Variants in CNBD1 observed in about 807,000 individuals in gnomAD.
CNBD1 encodes cyclic nucleotide binding domain containing 1.
Under a neutral mutation model 54.4 loss-of-function variants are expected in CNBD1, and 71 were observed. That is an observed-to-expected ratio of 1.30 (90% CI 1.08 to 1.59). The LOEUF (loss-of-function observed/expected upper bound fraction) is 1.59. Ranked by LOEUF, CNBD1 falls within the 40% of genes most tolerant of loss-of-function variation. The pLI, the probability that CNBD1 is intolerant of heterozygous loss-of-function variation, is 0.00. For missense variants in CNBD1, 659 were observed against 518.0 expected (o/e 1.27, Z -2.64); for synonymous variants, 182 against 170.7 (o/e 1.07, Z -0.51).
At chr8:87,019,873 C>T (rs964715422) in intron 4 of CNBD1, among the ~76,000 whole-genome samples, 1 of 151,838 alleles carries the variant, frequency 6.6e-6, no homozygotes, top group Admixed American at 6.6e-5. Context: ...AGTGAGACTC[C>T]ATCTCAAAAA....
chr8:87,237,166 A>G (rs1385252778), intron 6 of CNBD1, 54 bp downstream of exon 6: 29 of 1,134,800 alleles, frequency 2.6e-5, no homozygotes, highest in Admixed American at 2.3e-5. Context: ...GGGCTTTTGT[A>G]AAACTTTATC....
At chr8:87,362,215 T>C (rs551703940) in intron 10 of CNBD1, among the ~76,000 whole-genome samples, 31 of 152,212 alleles carry the variant, frequency 2.0e-4, no homozygotes, top group African/African-American at 6.0e-4. Context: ...GAAGACCATA[T>C]TTTGGTTTTG....
chr8:87,057,333 G>A (rs548649897), intron 4 of CNBD1, among the ~76,000 whole-genome samples: 1 of 152,080 alleles, frequency 6.6e-6, no homozygotes, highest in Non-Finnish European at 1.5e-5. Context: ...GGTGGGAAAG[G>A]CCCCTTACTT....
At chr8:87,279,449 G>T (rs1808548373) in intron 6 of CNBD1, among the ~76,000 whole-genome samples, 1 of 151,202 alleles carries the variant, frequency 6.6e-6, no homozygotes, top group Non-Finnish European at 1.5e-5. Flanking sequence ...CATTAAAAAA[G>T]ATTGTCATAT....
At chr8:87,376,568 G>A (rs1810944063) in intron 10 of CNBD1, among the ~76,000 whole-genome samples, 1 of 151,830 alleles carries the variant, frequency 6.6e-6, no homozygotes, top group Non-Finnish European at 1.5e-5. Flanking sequence ...AAACCACATA[G>A]CAACATGCTT....
chr8:87,287,715 GA>G (rs1345048492), intron 8 of CNBD1, among the ~76,000 whole-genome samples: 5 of 151,914 alleles, frequency 3.3e-5, no homozygotes, highest in Non-Finnish European at 7.4e-5. Flanking sequence ...TTCTTTTACT[GA>G]AAAAAAGTAA....
intron 2 of CNBD1, among the ~76,000 whole-genome samples, chr8:87,422,175 G>C (rs1807951320): frequency 6.9e-6 from 1 of 145,970 alleles, no homozygotes; most frequent in Admixed American, 6.8e-5. Context: ...CTGGATATTA[G>C]CCCTTTGTCA....
chr8:87,153,664 A>C (rs930387527), intron 4 of CNBD1, among the ~76,000 whole-genome samples: 10 of 152,230 alleles, frequency 6.6e-5, no homozygotes, highest in Non-Finnish European at 1.3e-4. Context: ...TTATCCATTC[A>C]ATGGCTACTT....
chr8:86,956,412 T>G (rs1807770741), intron 4 of CNBD1, among the ~76,000 whole-genome samples: 1 of 152,194 alleles, frequency 6.6e-6, no homozygotes, highest in African/African-American at 2.4e-5. Flanking sequence ...ATCTATAAAT[T>G]ACCTTGGGCA....
chr8:87,010,675 G>T (rs1392325368), intron 4 of CNBD1, among the ~76,000 whole-genome samples: 2 of 152,084 alleles, frequency 1.3e-5, no homozygotes, highest in Non-Finnish European at 2.9e-5. Flanking sequence ...AACCTGGGAG[G>T]CAGAGGTTAC....
intron 2 of CNBD1, among the ~76,000 whole-genome samples, chr8:87,391,377 A>G (rs113512181): frequency 0.019 from 2,876 of 152,226 alleles, 92 homozygotes; most frequent in African/African-American, 0.062. Flanking sequence ...TAAAATTCGT[A>G]TGGAAACACA....
At chr8:87,111,262 C>T (rs1811656036) in intron 4 of CNBD1, among the ~76,000 whole-genome samples, 1 of 152,192 alleles carries the variant, frequency 6.6e-6, no homozygotes, top group Admixed American at 6.5e-5. Flanking sequence ...TCTGTACATT[C>T]AGGGACTGGG....
chr8:87,057,966 G>A (rs1810458531), intron 4 of CNBD1, among the ~76,000 whole-genome samples: 1 of 152,012 alleles, frequency 6.6e-6, no homozygotes, highest in Non-Finnish European at 1.5e-5. Flanking sequence ...TGTCATTTAA[G>A]ACAAAGCAAG....
At chr8:87,327,883 C>A (rs112334682) in intron 8 of CNBD1, among the ~76,000 whole-genome samples, 1 of 151,966 alleles carries the variant, frequency 6.6e-6, no homozygotes, top group African/African-American at 2.4e-5. Context: ...ATGTTACTAT[C>A]TTTAATCCAT....
At chr8:87,402,372 A>G (rs112570509) in intron 2 of CNBD1, among the ~76,000 whole-genome samples, 2,282 of 152,132 alleles carry the variant, frequency 0.015, 59 homozygotes, top group African/African-American at 0.049. Flanking sequence ...CACTCTCACA[A>G]AAGAGCAGTA....
At chr8:86,972,132 A>T (rs1180519053) in intron 4 of CNBD1, among the ~76,000 whole-genome samples, 1 of 151,954 alleles carries the variant, frequency 6.6e-6, no homozygotes, top group Non-Finnish European at 1.5e-5. Flanking sequence ...TTGAATTTTT[A>T]GTAGAGACGG....
chr8:86,997,904 G>A (rs1218269815), intron 4 of CNBD1, among the ~76,000 whole-genome samples: 37 of 152,252 alleles, frequency 2.4e-4, no homozygotes, highest in Non-Finnish European at 5.9e-5. Flanking sequence ...ACTATGTGCA[G>A]CTCAGAGTAA....
At chr8:87,354,905 C>T (rs1413646997) in intron 10 of CNBD1, among the ~76,000 whole-genome samples, 2 of 152,116 alleles carry the variant, frequency 1.3e-5, no homozygotes, top group East Asian at 3.9e-4. Context: ...ATTTATAATC[C>T]TTTGGGTATA....
chr8:87,237,149 A>G (rs780485864), intron 6 of CNBD1, 37 bp downstream of exon 6: 3 of 1,366,018 alleles, frequency 2.2e-6, no homozygotes, highest in Non-Finnish European at 3.0e-6. Flanking sequence ...ACAAGCAACA[A>G]GGTAACGGGC....
Sources: allele counts gnomAD v4.1 joint callset (sites outside exome capture counted in the v4.1 genomes callset), GRCh38; gene constraint gnomAD v4.1.1; transcripts MANE v1.5; gene names NCBI Gene and HGNC (gene_info 2026-07-23, HGNC 2026-07-21).